Variants in AGPAT3 observed in about 807,000 individuals in gnomAD.
AGPAT3 encodes 1-acyl-sn-glycerol-3-phosphate acyltransferase gamma.
A neutral mutation model predicts 47.3 loss-of-function variants in AGPAT3; 5 were observed. The ratio of observed to expected loss-of-function variants is 0.11; its 90% CI spans 0.06 to 0.22. The LOEUF is 0.22. AGPAT3 is among the 10% of genes least tolerant of loss of function. The probability of loss-of-function intolerance (pLI) is 1.00; values close to 1 mark genes in which losing one functional copy is unlikely to be tolerated. For synonymous variants in AGPAT3, 212 were observed against 208.3 expected, an observed-to-expected ratio of 1.02 and a Z score of -0.15; for missense variants, 315 against 493.0, an observed-to-expected ratio of 0.64 and a Z score of 3.42.
chr21:43,944,980 G>T (rs2087821050), intron 2 of AGPAT3, among the ~76,000 whole-genome samples: 1 of 152,220 alleles, frequency 6.6e-6, no homozygotes, highest in African/African-American at 2.4e-5. Flanking sequence ...GGTCCCTCGG[G>T]GTCTACCACT....
intron 1 of AGPAT3, among the ~76,000 whole-genome samples, chr21:43,874,945 T>A (rs1342408519): frequency 6.6e-6 from 1 of 152,158 alleles, no homozygotes; most frequent in Non-Finnish European, 1.5e-5. Flanking sequence ...TGGTGTCGTA[T>A]TTGTATATAA....
intron 7 of AGPAT3, among the ~76,000 whole-genome samples, chr21:43,975,503 A>G (rs2089582352): frequency 6.6e-6 from 1 of 152,144 alleles, no homozygotes; most frequent in African/African-American, 2.4e-5. Flanking sequence ...TGGAATCCTC[A>G]TACACCAAAG....
chr21:43,976,201 G>C (rs1218554646), intron 7 of AGPAT3, among the ~76,000 whole-genome samples: 1 of 152,090 alleles, frequency 6.6e-6, no homozygotes, highest in Admixed American at 6.5e-5. Context: ...CGAGTAGCTG[G>C]GATTACAGGC....
chr21:43,874,642 A>G (rs747546623), intron 1 of AGPAT3, among the ~76,000 whole-genome samples: 6 of 152,228 alleles, frequency 3.9e-5, no homozygotes, highest in Non-Finnish European at 5.9e-5. Flanking sequence ...TGTCATTTCA[A>G]TTGTCCTTCC....
intron 2 of AGPAT3, among the ~76,000 whole-genome samples, chr21:43,924,696 G>A (rs899374482): frequency 2.6e-5 from 4 of 152,156 alleles, no homozygotes; most frequent in Non-Finnish European, 5.9e-5. Context: ...GCCTTGCCCC[G>A]GCTGTTTCAT....
chr21:43,865,799 G>T (rs895274273), intron 1 of AGPAT3, among the ~76,000 whole-genome samples: 4 of 151,762 alleles, frequency 2.6e-5, no homozygotes, highest in Non-Finnish European at 5.9e-5. Flanking sequence ...GACAGGACGC[G>T]CCCGCCGCCT....
intron 2 of AGPAT3, among the ~76,000 whole-genome samples, chr21:43,958,718 T>C (rs545372210): frequency 9.4e-5 from 14 of 149,468 alleles, no homozygotes; most frequent in Non-Finnish European, 1.5e-4. Flanking sequence ...TGGTTTGTGA[T>C]GTGTGGTGTG....
At position 43,955,985 on chromosome 21, in the gene AGPAT3, T is replaced by G. The variant is rs1283606503; in HGVS notation, c.-48-3649T>G. Among the ~76,000 whole-genome samples, 2 of 152,064 alleles carry G rather than the reference T, an allele frequency of 1.3e-5. No individual in the cohort carries two copies. Among genetic ancestry groups the G allele is most frequent in the Admixed American group, 6.5e-5 (1 of 15,272 alleles). On this transcript the variant is annotated intron_variant, in intron 2 of 9. Coordinates refer to ENST00000291572, the MANE Select transcript of AGPAT3 (RefSeq NM_020132.5). The surrounding 1 kb of genome is among the most constrained non-coding windows in gnomAD (Gnocchi z 4.1). ...CTGCTGTGGAGCCCGGGCATCTGCTTCTCGGAGCATCACAGCTGATGTGCT... is the reference window on the plus strand; with the variant it reads ...CTGCTGTGGAGCCCGGGCATCTGCTGCTCGGAGCATCACAGCTGATGTGCT...
In AGPAT3 at chr21:43,982,144, C is replaced by G. The variant is rs2077469079; in HGVS notation, c.1043-160C>G. Among the ~76,000 whole-genome samples the G allele has an allele frequency of 6.6e-6, 1 of 152,220 alleles. No individual in the cohort carries two copies. The highest frequency in any genetic ancestry group is 2.4e-5 in the African/African-American group (1 of 41,468). On this transcript the variant is annotated intron_variant, in intron 9 of 9. Coordinates refer to ENST00000291572, the MANE Select transcript of AGPAT3 (RefSeq NM_020132.5). The surrounding 1 kb of genome is among the most constrained non-coding windows in gnomAD (Gnocchi z 6.2). ...GCAGACCACGGTCTGAGAGGGCTGT[C>G]TCCCCGCGGGCCACACCTACTCACT... is the stretch of plus-strand genomic sequence containing the variant.
In AGPAT3 at chr21:43,955,755, A is replaced by C. The variant is rs1270007437; in HGVS notation, c.-48-3879A>C. Among the ~76,000 whole-genome samples the C allele has an allele frequency of 6.6e-6, 1 of 151,752 alleles. No individual in the cohort carries two copies. The highest frequency in any genetic ancestry group is 2.0e-4 in the East Asian group (1 of 5,042). ...ACCCCATCTCTACTAAACATACAAA[A>C]ATTTGCTGGACATGGTGGTGCATAC... On this transcript the variant is annotated intron_variant, in intron 2 of 9. Coordinates refer to ENST00000291572, the MANE Select transcript of AGPAT3 (RefSeq NM_020132.5). This position sits in a 1 kb window ranked among gnomAD's most constrained non-coding sequence, Gnocchi z 4.1.
At chr21:43,940,992 G>A (rs1435904633) in intron 2 of AGPAT3, among the ~76,000 whole-genome samples, 2 of 152,216 alleles carry the variant, frequency 1.3e-5, no homozygotes, top group Non-Finnish European at 2.9e-5. Context: ...TTGGTAAAAC[G>A]GGACACTGAT....
At chr21:43,917,787 ATTGTGGGTATTGTGGGGGTTGTG>A (rs538491590) in intron 2 of AGPAT3, among the ~76,000 whole-genome samples, 4,950 of 119,468 alleles carry the variant, frequency 0.041, 258 homozygotes, top group African/African-American at 0.13. Context: ...TGTTGTGGGT[ATTGTGGGTATTGTGGGGGTTGTG>A]TTGTGGGTGT....
chr21:43,927,403 C>T (rs923226612), intron 2 of AGPAT3, among the ~76,000 whole-genome samples: 13 of 152,120 alleles, frequency 8.5e-5, no homozygotes, highest in African/African-American at 3.1e-4. Flanking sequence ...TCTGTCTCCC[C>T]CAGGCTGTGA....
intron 2 of AGPAT3, among the ~76,000 whole-genome samples, chr21:43,948,542 G>A (rs1332366880): frequency 6.6e-6 from 1 of 152,158 alleles, no homozygotes; most frequent in Non-Finnish European, 1.5e-5. Context: ...ATAGCAGGAG[G>A]TTCTGTTACC....
intron 7 of AGPAT3, among the ~76,000 whole-genome samples, chr21:43,973,331 A>G (rs1452026219): frequency 6.6e-6 from 1 of 152,210 alleles, no homozygotes; most frequent in Non-Finnish European, 1.5e-5. Flanking sequence ...GGGACAGGAC[A>G]TGAGAGGGGA....
At chr21:43,977,918 G>T in intron 7 of AGPAT3, 128 bp from the exon 8 acceptor site, 1 of 623,834 alleles carries the variant, frequency 1.6e-6, no homozygotes, top group East Asian at 2.9e-5. Flanking sequence ...AAGAAATTGA[G>T]AGTGAGATGT....
At chr21:43,893,149 G>C (rs753058509) in intron 1 of AGPAT3, among the ~76,000 whole-genome samples, 13 of 152,182 alleles carry the variant, frequency 8.5e-5, no homozygotes, top group Non-Finnish European at 1.8e-4. Flanking sequence ...AGTGATCTTA[G>C]CTCCATCTGC....
chr21:43,925,447 A>G (rs1486143615), intron 2 of AGPAT3: 1 of 152,418 alleles, frequency 6.6e-6, no homozygotes, highest in East Asian at 1.9e-4. Flanking sequence ...CCGGGGTCCA[A>G]CAAGGTAAGG....
chr21:43,967,217 G>C (rs1388481710), intron 3 of AGPAT3: 1 of 152,330 alleles, frequency 6.6e-6, no homozygotes, highest in Non-Finnish European at 1.5e-5. Flanking sequence ...CCGGAGCCAG[G>C]GGAAGAGACC....
Sources: allele counts gnomAD v4.1 joint callset (sites outside exome capture counted in the v4.1 genomes callset), GRCh38; gene constraint gnomAD v4.1.1; non-coding constraint Gnocchi (gnomAD v3.1); transcripts MANE v1.5; gene names NCBI Gene and HGNC (gene_info 2026-07-23, HGNC 2026-07-21).